The following RYR3 variants were observed in gnomAD, a reference collection of about 807,000 sequenced individuals.
RYR3 encodes brain ryanodine receptor-calcium release channel.
In RYR3, 207 loss-of-function variants were observed where a neutral mutation model predicts 584.3. The ratio of observed to expected loss-of-function variants is 0.35; its 90% CI spans 0.32 to 0.40. The LOEUF is 0.40. RYR3 is among the 10% of genes least tolerant of loss of function. The pLI is 1.00. For synonymous variants in RYR3, 2,416 were observed against 2,248.5 expected (o/e 1.07, Z -2.11); for missense variants, 5,616 against 6,089.2 (o/e 0.92, Z 2.59).
intron 1 of RYR3, among the ~76,000 whole-genome samples, chr15:33,384,736 A>G (rs1317452157): frequency 1.3e-5 from 2 of 151,924 alleles, no homozygotes; most frequent in South Asian, 2.1e-4. Context: ...CAATAATGCA[A>G]TGTATTGTTA....
In RYR3 at chr15:33,644,533, A is replaced by G. The variant is rs772059027; in HGVS notation, c.3765+14A>G. On this transcript the variant is annotated intron_variant, in intron 28 of 103. Transcript: ENST00000634891. ...CCACACATAGAGGTAATGTTACACA[A>G]TGTGTGTGGCCCTGGCAGGTCAGGT... 2 of 1,604,964 alleles carry G rather than the reference A, an allele frequency of 1.2e-6. No individual in the cohort carries two copies. The highest frequency in any genetic ancestry group is 1.7e-6 in the Non-Finnish European group (2 of 1,172,512).
intron 2 of RYR3, among the ~76,000 whole-genome samples, chr15:33,484,757 G>A (rs988297945): frequency 6.6e-6 from 1 of 152,002 alleles, no homozygotes; most frequent in South Asian, 2.1e-4. Context: ...TATTGGAGGA[G>A]GGATAAAGGA....
chr15:33,342,046 G>A (rs1017039229), intron 1 of RYR3, among the ~76,000 whole-genome samples: 10 of 152,292 alleles, frequency 6.6e-5, no homozygotes, highest in East Asian at 1.9e-4. Context: ...CTCGAGAAAC[G>A]AATGATGCAG....
chr15:33,593,905 G>A (rs1219298872), intron 16 of RYR3, among the ~76,000 whole-genome samples: 1 of 152,142 alleles, frequency 6.6e-6, no homozygotes, highest in African/African-American at 2.4e-5. Flanking sequence ...TGTATACAGT[G>A]CAGCAAGGGT....
At position 33,865,287 on chromosome 15, in the gene RYR3, T is replaced by C. The variant is rs201908377; in HGVS notation, c.*61T>C. 42,701 of 1,191,976 alleles carry C rather than the reference T, an allele frequency of 0.036. 1,134 individuals carry two copies. The highest frequency in any genetic ancestry group is 0.037 in the Non-Finnish European group (30,424 of 811,522). 73.8% of individuals were successfully genotyped at this position (1,191,976 alleles called of 1,614,324 possible). ...CAACTTCCCATGAAATAAAGTCCCC[T>C]TTTTACAGTTCTGCAACATATCTGA... On this transcript the variant is annotated 3_prime_UTR_variant, in exon 104 of 104. Transcript: ENST00000634891.
At position 33,508,622 on chromosome 15, in the gene RYR3, A is replaced by C. The variant is rs550512211; in HGVS notation, c.279+4884A>C. ...CTGAGATTGCACCACTGCACTCCAGACTGGGCGACAGAGCAAGTCTCCATC... is the reference window on the plus strand; with the variant it reads ...CTGAGATTGCACCACTGCACTCCAGCCTGGGCGACAGAGCAAGTCTCCATC... On this transcript the variant is annotated intron_variant, in intron 3 of 103. Transcript: ENST00000634891. Among the ~76,000 whole-genome samples the C allele has an allele frequency of 1.1e-4, 16 of 152,248 alleles. No individual in the cohort carries two copies. The East Asian group carries it at 1.9e-3, about 18-fold the overall frequency.
chr15:33,578,487 C>G (rs2058414015), intron 12 of RYR3, among the ~76,000 whole-genome samples: 1 of 151,998 alleles, frequency 6.6e-6, no homozygotes, highest in South Asian at 2.1e-4. Context: ...AGCGATTATC[C>G]TCAGCAAACT....
chr15:33,685,418 C>T (rs1487775717), intron 38 of RYR3, among the ~76,000 whole-genome samples: 1 of 152,082 alleles, frequency 6.6e-6, no homozygotes, highest in Non-Finnish European at 1.5e-5. Flanking sequence ...TATATGCACC[C>T]AATACAGGAG....
At chr15:33,378,407 C>T (rs939885004) in intron 1 of RYR3, among the ~76,000 whole-genome samples, 1 of 152,196 alleles carries the variant, frequency 6.6e-6, no homozygotes, top group Non-Finnish European at 1.5e-5. Context: ...AGAGACTGTA[C>T]ACAGCAGAAA....
At chr15:33,504,473 A>G (rs1193154749) in intron 3 of RYR3, among the ~76,000 whole-genome samples, 2 of 151,800 alleles carry the variant, frequency 1.3e-5, no homozygotes, top group African/African-American at 2.4e-5. Flanking sequence ...AATCCCCCAT[A>G]CTCCATTAGA....
At chr15:33,453,699 C>G (rs1560968) in intron 1 of RYR3, among the ~76,000 whole-genome samples, 1 of 151,942 alleles carries the variant, frequency 6.6e-6, no homozygotes, top group African/African-American at 2.4e-5. Flanking sequence ...GCAACAGTTG[C>G]CACGCAGTTT....
intron 43 of RYR3, among the ~76,000 whole-genome samples, chr15:33,707,272 A>T (rs1206635960): frequency 6.6e-6 from 1 of 152,168 alleles, no homozygotes; most frequent in Non-Finnish European, 1.5e-5. Context: ...CAGTGAACAG[A>T]GCACTGAGCA....
At chr15:33,740,681 G>T (rs1037065311) in intron 51 of RYR3, among the ~76,000 whole-genome samples, 1 of 152,202 alleles carries the variant, frequency 6.6e-6, no homozygotes, top group African/African-American at 2.4e-5. Context: ...TCAGCTCCAG[G>T]TGCATTTTAA....
rs61505209 is a variant in RYR3 at position 33,321,346 on chromosome 15, C to G, written c.51+10250C>G. Among the ~76,000 whole-genome samples, 883 of 152,308 alleles carry G rather than the reference C, an allele frequency of 5.8e-3. 8 individuals are homozygous for G. Among genetic ancestry groups the G allele is most frequent in the African/African-American group, 0.02 (836 of 41,552 alleles). ...TGATCCTTGCTACATACTTCACTGC[C>G]CTCTCCCCTGAGAGGTCCTGCTGGG... is the stretch of plus-strand genomic sequence containing the variant. On this transcript the variant is annotated intron_variant, in intron 1 of 103. Transcript: ENST00000634891.
chr15:33,865,056 A>C, intron 103 of RYR3, 75 bp from the exon 104 acceptor site: 7 of 1,174,142 alleles, frequency 6.0e-6, no homozygotes, highest in Non-Finnish European at 8.8e-6. Context: ...AGGGAGCCAC[A>C]AAGAACAAAA....
rs2057745386 is a variant in RYR3, at chr15:33,566,861, C to CA, written c.1268+63dup. 11 of 1,563,078 alleles carry CA rather than the reference C, an allele frequency of 7.0e-6. 1 individual carries two copies. In the African/African-American group the frequency reaches 1.4e-4, roughly 19 times the overall value. ...TGACTCTGTGGCCTGCCAACACCAC[C>CA]ACCCACCTCCTTTTGATACTGTGAA... On this transcript the variant is annotated intron_variant, in intron 12 of 103. Transcript: ENST00000634891.
intron 16 of RYR3, among the ~76,000 whole-genome samples, chr15:33,598,897 A>C (rs1046315739): frequency 1.3e-5 from 2 of 152,156 alleles, no homozygotes; most frequent in Non-Finnish European, 2.9e-5. Context: ...ACTAAAAAAT[A>C]CAAAAAAATT....
At chr15:33,778,835 G>A (rs1195044365) in intron 64 of RYR3, among the ~76,000 whole-genome samples, 7 of 152,218 alleles carry the variant, frequency 4.6e-5, no homozygotes, top group Admixed American at 4.6e-4. Context: ...GAGATTGCCT[G>A]ACTGAGGACC....
intron 1 of RYR3, among the ~76,000 whole-genome samples, chr15:33,318,512 GGT>G (rs1312807644): frequency 2.6e-5 from 4 of 152,344 alleles, no homozygotes; most frequent in African/African-American, 9.6e-5. Context: ...GTTGGAGAAA[GGT>G]GAGAGCACAT....
Sources: gnomAD v4.1 joint callset for allele counts (sites outside exome capture counted in the v4.1 genomes callset) on GRCh38, gnomAD v4.1.1 for gene constraint, MANE v1.5 for transcripts, NCBI Gene and HGNC (gene_info 2026-07-23, HGNC 2026-07-21) for gene names.